NEK7: variants seen among roughly 807,000 people sequenced by gnomAD.
NEK7 encodes serine/threonine-protein kinase Nek7.
Under a neutral mutation model 44.6 loss-of-function variants are expected in NEK7, and 18 were observed. The ratio of observed to expected loss-of-function variants is 0.40; its 90% CI spans 0.28 to 0.60. The LOEUF is 0.60. Ranked by LOEUF, NEK7 falls within the 20% of genes least tolerant of loss-of-function variation. The probability of loss-of-function intolerance (pLI) is 0.38; values close to 1 mark genes in which losing one functional copy is unlikely to be tolerated. For missense variants in NEK7, 256 were observed against 366.5 expected (o/e 0.70, Z 2.46); for synonymous variants, 130 against 121.1 (o/e 1.07, Z -0.48).
intron 1 of NEK7, among the ~76,000 whole-genome samples, chr1:198,157,810 G>A (rs1421261684): frequency 6.6e-6 from 1 of 152,196 alleles, no homozygotes. Context: ...GAGCGTGAGA[G>A]GTCTGTCGGA....
chr1:198,306,119 T>C lies in NEK7; in HGVS notation c.798+8879T>C, dbSNP rs1282962047. Reference sequence around the variant, plus strand: ...TACATACCAGTAGTGTCCACCCCCATAGAGTTTTTATGAAGATTGAATAAA... The same window carrying C: ...TACATACCAGTAGTGTCCACCCCCACAGAGTTTTTATGAAGATTGAATAAA... On this transcript the variant is annotated intron_variant, in intron 9 of 9. Transcript: ENST00000367385. Among the ~76,000 whole-genome samples the C allele has an allele frequency of 2.6e-5, 4 of 152,144 alleles. No individual in the cohort carries two copies. The South Asian group carries it at 6.2e-4, about 24-fold the overall frequency.
intron 1 of NEK7, among the ~76,000 whole-genome samples, chr1:198,192,779 A>T (rs977207501): frequency 6.6e-6 from 1 of 152,148 alleles, no homozygotes; most frequent in African/African-American, 2.4e-5. Flanking sequence ...AACAGAGACA[A>T]CATGTGAGAA....
At chr1:198,208,138 A>G (rs975930732) in intron 1 of NEK7, among the ~76,000 whole-genome samples, 1 of 152,132 alleles carries the variant, frequency 6.6e-6, no homozygotes, top group Admixed American at 6.5e-5. Flanking sequence ...ATCTGAGGTC[A>G]TTTTGATTCT....
In NEK7 at chr1:198,277,963, T is replaced by C; in HGVS notation, c.375T>C (p.His125=). ...DAGDLSRMIK[H]FKKQKRLIPE... is the part of the protein sequence containing the mutation. ...TCTTATTTTTAATTTTCAAAAAGCATTTTAAGAAGCAAAAGAGGCTAATTC... is the reference window on the plus strand; with the variant it reads ...TCTTATTTTTAATTTTCAAAAAGCACTTTAAGAAGCAAAAGAGGCTAATTC... Residue 125 remains histidine (H), a splice_region_variant and synonymous_variant, in exon 6 of 10, where the codon CAT becomes CAC. Transcript: ENST00000367385. 6.3e-7 allele frequency: 1 copy of C among 1,586,940 alleles called. No homozygotes were observed. The highest frequency in any genetic ancestry group is 1.3e-5 in the African/African-American group (1 of 74,270).
At chr1:198,205,757 A>C (rs769486392) in intron 1 of NEK7, among the ~76,000 whole-genome samples, 2 of 151,936 alleles carry the variant, frequency 1.3e-5, no homozygotes, top group Non-Finnish European at 2.9e-5. Flanking sequence ...CGTGGAGTCT[A>C]TTTCTTATTA....
rs531679051 is a variant in NEK7 at position 198,170,980 on chromosome 1, G to T, written c.-29+13704G>T. Among the ~76,000 whole-genome samples the T allele has an allele frequency of 1.0e-3, 158 of 152,174 alleles. 2 individuals carry two copies. The highest frequency in any genetic ancestry group is 2.8e-4 in the Non-Finnish European group (19 of 68,002). ...GAATCTTGCTGTGTTGCTCAGGCTG[G>T]TCTCAAACTCTTGGCCTCAAGCTGT... On this transcript the variant is annotated intron_variant, in intron 1 of 9. Coordinates refer to ENST00000367385, the MANE Select transcript of NEK7 (RefSeq NM_133494.3).
rs577626440 is a variant in NEK7 at position 198,204,712 on chromosome 1, C to T, written c.-28-27841C>T. Reference sequence around the variant, plus strand: ...TCCAGCCTGGGCGACAGCGAGACTCCGTCTCAAAAAAAAAAAAAAAAAAAA... The same window carrying T: ...TCCAGCCTGGGCGACAGCGAGACTCTGTCTCAAAAAAAAAAAAAAAAAAAA... On this transcript the variant is annotated intron_variant, in intron 1 of 9. Transcript: ENST00000367385. 8.0e-5 allele frequency among the ~76,000 whole-genome samples: 10 copies of T among 125,468 alleles called. No homozygotes were observed. In the South Asian group the frequency reaches 2.5e-3, roughly 31 times the overall value. The allele number at this position is 125,468 out of a possible 152,430, so 82.3% of individuals were successfully genotyped here. A position where few individuals can be genotyped will look rare whatever the true frequency, so the allele number is the denominator to read the frequency against.
chr1:198,267,611 T>C lies in NEK7; in HGVS notation c.372+3376T>C, dbSNP rs566361567. The stretch of plus-strand genomic sequence containing the variant: ...GGTGTGCACCACCACACCTGGCTAA[T>C]TTTTGTATTTTTAGTAGAGATGGGA... On this transcript the variant is annotated intron_variant, in intron 5 of 9. Coordinates refer to ENST00000367385, the MANE Select transcript of NEK7 (RefSeq NM_133494.3). 4.6e-5 allele frequency among the ~76,000 whole-genome samples: 7 copies of C among 152,100 alleles called. No homozygotes were observed. In the East Asian group the frequency reaches 1.4e-3, roughly 30 times the overall value.
At chr1:198,200,537 T>G (rs1665397318) in intron 1 of NEK7, among the ~76,000 whole-genome samples, 1 of 151,586 alleles carries the variant, frequency 6.6e-6, no homozygotes, top group Admixed American at 6.6e-5. Flanking sequence ...CTTTGTTGCT[T>G]TCTTTTCTTT....
In NEK7 at chr1:198,209,153, CT is replaced by C. The variant is rs11389228; in HGVS notation, c.-28-23385del. ...ACACATATGTATGTGTATATATATACTTTTTTTTTTTTTTTGGTAAAACTCT... is the reference window on the plus strand; with the variant it reads ...ACACATATGTATGTGTATATATATACTTTTTTTTTTTTTTGGTAAAACTCT... On this transcript the variant is annotated intron_variant, in intron 1 of 9. Transcript: ENST00000367385. Among the ~76,000 whole-genome samples, 292 of 137,276 alleles carry C rather than the reference CT, an allele frequency of 2.1e-3. 2 individuals are homozygous for C. Among genetic ancestry groups the C allele is most frequent in the African/African-American group, 6.3e-3 (230 of 36,786 alleles). 90.1% of individuals were successfully genotyped at this position (137,276 alleles called of 152,430 possible).
intron 1 of NEK7, among the ~76,000 whole-genome samples, chr1:198,192,353 CT>C (rs1392705208): frequency 6.7e-6 from 1 of 150,184 alleles, no homozygotes; most frequent in African/African-American, 2.5e-5. Flanking sequence ...AAAGAACCAG[CT>C]TTTGGTTTTG....
chr1:198,221,448 A>G (rs1439910664), intron 1 of NEK7, among the ~76,000 whole-genome samples: 2 of 151,650 alleles, frequency 1.3e-5, no homozygotes, highest in African/African-American at 4.8e-5. Flanking sequence ...CTGCCTAAAG[A>G]CCAATTATAA....
intron 1 of NEK7, among the ~76,000 whole-genome samples, chr1:198,181,963 G>A (rs992933141): frequency 6.6e-6 from 1 of 151,656 alleles, no homozygotes; most frequent in African/African-American, 2.4e-5. Context: ...GTTTTTTCTT[G>A]TTTTAATAGA....
chr1:198,271,906 TA>T (rs1257572616), intron 5 of NEK7, among the ~76,000 whole-genome samples: 1 of 72,866 alleles, frequency 1.4e-5, no homozygotes, highest in South Asian at 9.4e-4. Flanking sequence ...ATTTATATTT[TA>T]TATATATATA....
rs192673025 is a variant in NEK7, at chr1:198,176,697, A to G, written c.-29+19421A>G. ...AGCAAGGATCATGAGGGTCTGGGAT[A>G]AACAGAGTGATGATGTTTGTGAGGC... On this transcript the variant is annotated intron_variant, in intron 1 of 9. Coordinates refer to ENST00000367385, the MANE Select transcript of NEK7 (RefSeq NM_133494.3). Among the ~76,000 whole-genome samples, 306 of 152,232 alleles carry G rather than the reference A, an allele frequency of 2.0e-3. 2 individuals are homozygous for G. The highest frequency in any genetic ancestry group is 7.0e-3 in the African/African-American group (292 of 41,550).
chr1:198,252,157 T>A (rs1322286670), intron 2 of NEK7, among the ~76,000 whole-genome samples: 3 of 152,124 alleles, frequency 2.0e-5, no homozygotes, highest in Non-Finnish European at 2.9e-5. Flanking sequence ...AGGAGCAGGT[T>A]GTTCAGTTTC....
At chr1:198,281,462 A>G (rs1654195998) in intron 7 of NEK7, among the ~76,000 whole-genome samples, 2 of 151,986 alleles carry the variant, frequency 1.3e-5, no homozygotes, top group African/African-American at 4.8e-5. Context: ...AGCAGGTATA[A>G]ATTTCAGTGA....
chr1:198,165,612 T>C (rs982052330), intron 1 of NEK7, among the ~76,000 whole-genome samples: 3 of 152,222 alleles, frequency 2.0e-5, no homozygotes, highest in East Asian at 1.9e-4. Flanking sequence ...TGTAAACTGA[T>C]GTGCTGTTGC....
chr1:198,242,495 C>G (rs1387429188), intron 2 of NEK7, among the ~76,000 whole-genome samples: 1 of 115,322 alleles, frequency 8.7e-6, no homozygotes, highest in Non-Finnish European at 1.7e-5. Context: ...TTTTTTGAGA[C>G]AGAGTTTCGC....
Sources: gnomAD v4.1 joint callset for allele counts (sites outside exome capture counted in the v4.1 genomes callset) on GRCh38, gnomAD v4.1.1 for gene constraint, MANE v1.5 for transcripts, NCBI Gene and HGNC (gene_info 2026-07-23, HGNC 2026-07-21) for gene names.